Variants in FREM3 observed in about 807,000 individuals in gnomAD.
FREM3 encodes the protein FRAS1 related extracellular matrix 3.
A neutral mutation model predicts 129.1 loss-of-function variants in FREM3; 105 were observed. The ratio of observed to expected loss-of-function variants is 0.81; its 90% CI spans 0.69 to 0.96. The LOEUF (loss-of-function observed/expected upper bound fraction) is 0.96. Among genes scored for constraint, FREM3 ranks in the 40% least tolerant of loss-of-function variants. The pLI, the probability that FREM3 is intolerant of heterozygous loss-of-function variation, is 0.00. For missense variants in FREM3, 2,593 were observed against 2,666.3 expected (o/e 0.97, Z 0.61); for synonymous variants, 1,014 against 1,044.9 (o/e 0.97, Z 0.57).
At chr4:143,668,525 C>T (rs1739905672) in intron 2 of FREM3, among the ~76,000 whole-genome samples, 1 of 152,216 alleles carries the variant, frequency 6.6e-6, no homozygotes, top group Admixed American at 6.5e-5. Context: ...TAGCGCATCC[C>T]TCACCCTTAA....
chr4:143,655,144 A>T (rs907990417), intron 2 of FREM3, among the ~76,000 whole-genome samples: 5 of 152,306 alleles, frequency 3.3e-5, no homozygotes, highest in African/African-American at 9.6e-5. Context: ...CCTTCCAGAT[A>T]TCTTCATTGT....
intron 2 of FREM3, among the ~76,000 whole-genome samples, chr4:143,691,942 CTT>C: frequency 1.3e-5 from 2 of 152,106 alleles, no homozygotes; most frequent in African/African-American, 2.4e-5. Flanking sequence ...TTTTTAGTAA[CTT>C]ATGGTTCTTG....
At chr4:143,662,030 C>CA (rs1318025535) in intron 2 of FREM3, among the ~76,000 whole-genome samples, 1 of 151,804 alleles carries the variant, frequency 6.6e-6, no homozygotes, top group Non-Finnish European at 1.5e-5. Flanking sequence ...TTGATCCTTT[C>CA]AAAAAACCAG....
chr4:143,590,753 A>T (rs1188207372), intron 6 of FREM3, among the ~76,000 whole-genome samples: 1 of 152,190 alleles, frequency 6.6e-6, no homozygotes, highest in African/African-American at 2.4e-5. Context: ...CTGGCCTCAT[A>T]AAATGAGTTA....
chr4:143,580,936 C>T (rs1199715791), intron 7 of FREM3, among the ~76,000 whole-genome samples: 1 of 152,088 alleles, frequency 6.6e-6, no homozygotes, highest in Non-Finnish European at 1.5e-5. Context: ...CGACCTGGGA[C>T]ACCAGCCACC....
At position 143,603,541 on chromosome 4, in the gene FREM3, C is replaced by T. The variant is rs545394607; in HGVS notation, c.6028+7738G>A. ...ATCCATTTAATACATTCTGTAGCCT[C>T]AGTAGAATGACATGTTTCTGAGATG... On this transcript the variant is annotated intron_variant, in intron 6 of 7. Coordinates refer to ENST00000329798, the MANE Select transcript of FREM3 (RefSeq NM_001168235.2). Among the ~76,000 whole-genome samples the T allele has an allele frequency of 1.5e-4, 23 of 152,064 alleles. 1 individual carries two copies. In the East Asian group the frequency reaches 3.7e-3, roughly 24 times the overall value.
In FREM3 at chr4:143,610,537, G is replaced by A. The variant is rs548622217; in HGVS notation, c.6028+742C>T. On this transcript the variant is annotated intron_variant, in intron 6 of 7. Transcript: ENST00000329798. ...CCAGTCTAACCCTTCTTAGGTCTGA[G>A]CTTAGCAACTCACAGCCACTCAAAT... 3.9e-5 allele frequency among the ~76,000 whole-genome samples: 6 copies of A among 152,258 alleles called. 1 individual carries two copies. The highest frequency in any genetic ancestry group is 3.9e-4 in the Admixed American group (6 of 15,294).
chr4:143,693,324 T>C (rs900013358), intron 1 of FREM3, 122 bp from the exon 2 acceptor site: 15 of 442,836 alleles, frequency 3.4e-5, no homozygotes, highest in Admixed American at 1.3e-4. Flanking sequence ...AAAATAGTGA[T>C]TGAGTGAACA....
At chr4:143,626,042 T>A (rs1277234995) in intron 3 of FREM3, among the ~76,000 whole-genome samples, 1 of 152,188 alleles carries the variant, frequency 6.6e-6, no homozygotes, top group Non-Finnish European at 1.5e-5. Context: ...TTCTTTTTTC[T>A]TCTGGATCCT....
intron 6 of FREM3, among the ~76,000 whole-genome samples, chr4:143,596,059 T>C (rs1738476894): frequency 6.6e-6 from 1 of 152,070 alleles, no homozygotes; most frequent in Non-Finnish European, 1.5e-5. Context: ...GAAAAAAGCC[T>C]ACCGTTTAGG....
At chr4:143,594,033 C>T (rs142382238) in intron 6 of FREM3, among the ~76,000 whole-genome samples, 1,969 of 152,314 alleles carry the variant, frequency 0.013, 40 homozygotes, top group African/African-American at 0.045. Context: ...GAGCCATGTG[C>T]AGGATATAAT....
At chr4:143,627,393 A>G (rs1404861318) in intron 3 of FREM3, among the ~76,000 whole-genome samples, 1 of 152,202 alleles carries the variant, frequency 6.6e-6, no homozygotes. Flanking sequence ...GTAACTTGCT[A>G]GAAAGAGGAA....
chr4:143,694,879 A>G (rs889908228), intron 1 of FREM3, among the ~76,000 whole-genome samples: 14 of 152,220 alleles, frequency 9.2e-5, no homozygotes, highest in African/African-American at 2.9e-4. Flanking sequence ...AGTTATGACA[A>G]CATAAAGAGC....
intron 6 of FREM3, among the ~76,000 whole-genome samples, chr4:143,600,581 A>G (rs1738554461): frequency 6.6e-6 from 1 of 152,216 alleles, no homozygotes; most frequent in South Asian, 2.1e-4. Flanking sequence ...CATTTAAACT[A>G]TAATATGCTG....
intron 2 of FREM3, among the ~76,000 whole-genome samples, chr4:143,657,434 C>T (rs1302162736): frequency 6.6e-6 from 1 of 152,172 alleles, no homozygotes; most frequent in Non-Finnish European, 1.5e-5. Flanking sequence ...AGCTGTTCAA[C>T]CTCTTCATTT....
intron 2 of FREM3, among the ~76,000 whole-genome samples, chr4:143,690,887 C>T (rs1560874228): frequency 6.6e-6 from 1 of 152,120 alleles, no homozygotes; most frequent in Non-Finnish European, 1.5e-5. Context: ...GCAGCACATG[C>T]CTGTAGTACC....
chr4:143,596,541 G>C (rs1469732433), intron 6 of FREM3, among the ~76,000 whole-genome samples: 2 of 152,282 alleles, frequency 1.3e-5, no homozygotes, highest in Middle Eastern at 3.4e-3. Flanking sequence ...GAGGGTAAGA[G>C]AAAGAAAGAT....
At chr4:143,675,122 T>C (rs1358973116) in intron 2 of FREM3, among the ~76,000 whole-genome samples, 3 of 152,156 alleles carry the variant, frequency 2.0e-5, no homozygotes, top group East Asian at 1.9e-4. Context: ...TATTCCAAAA[T>C]TGACCACATA....
intron 5 of FREM3, among the ~76,000 whole-genome samples, chr4:143,620,832 C>A (rs2149841297): frequency 6.6e-6 from 1 of 152,202 alleles, no homozygotes; most frequent in African/African-American, 2.4e-5. Context: ...AAAGCGTTAT[C>A]CCTGGTTGAG....
Sources: gnomAD v4.1 joint callset for allele counts (sites outside exome capture counted in the v4.1 genomes callset) on GRCh38, gnomAD v4.1.1 for gene constraint, MANE v1.5 for transcripts, NCBI Gene and HGNC (gene_info 2026-07-23, HGNC 2026-07-21) for gene names.